Variants in PRKG1 observed in about 807,000 individuals in gnomAD.
PRKG1 encodes cGMP-dependent protein kinase 1.
Under a neutral mutation model 88.1 loss-of-function variants are expected in PRKG1, and 35 were observed. The observed-to-expected ratio is 0.40, with a 90% CI of 0.30 to 0.53. The LOEUF is 0.53. PRKG1 is among the 20% of genes least tolerant of loss of function. PRKG1 has a pLI of 0.59. For synonymous variants in PRKG1, 303 were observed against 292.5 expected (o/e 1.04, Z -0.37); for missense variants, 540 against 839.8 (o/e 0.64, Z 4.41).
intron 5 of PRKG1, among the ~76,000 whole-genome samples, chr10:51,965,004 G>A (rs553782806): frequency 7.9e-5 from 12 of 152,114 alleles, no homozygotes; most frequent in Non-Finnish European, 1.5e-4. Context: ...TGAAAGCAAA[G>A]CATGAATATA....
chr10:51,308,477 AGTTAGCTGAT>A (rs1841096494), intron 2 of PRKG1, among the ~76,000 whole-genome samples: 2 of 152,210 alleles, frequency 1.3e-5, no homozygotes, highest in African/African-American at 2.4e-5. Flanking sequence ...CTCAGTAAGC[AGTTAGCTGAT>A]GTTATTGTTA....
intron 2 of PRKG1, among the ~76,000 whole-genome samples, chr10:51,246,874 G>A (rs2132133992): frequency 6.6e-6 from 1 of 152,086 alleles, no homozygotes. Context: ...AGAAGAACAT[G>A]TACCTTGGGA....
chr10:51,255,683 A>T (rs930185691), intron 2 of PRKG1, among the ~76,000 whole-genome samples: 1 of 152,092 alleles, frequency 6.6e-6, no homozygotes, highest in African/African-American at 2.4e-5. Flanking sequence ...GGGAGGAAGT[A>T]ACTTCCCAGG....
intron 7 of PRKG1, among the ~76,000 whole-genome samples, chr10:52,096,154 C>G (rs1347203950): frequency 2.0e-5 from 3 of 152,170 alleles, no homozygotes; most frequent in African/African-American, 4.8e-5. Flanking sequence ...ACGTTTTGTA[C>G]TCTCTGGTGC....
intron 2 of PRKG1, among the ~76,000 whole-genome samples, chr10:51,363,439 T>C (rs1842526596): frequency 6.6e-6 from 1 of 151,796 alleles, no homozygotes; most frequent in South Asian, 2.1e-4. Flanking sequence ...TTTGCCGAAC[T>C]AAATCAAATA....
intron 3 of PRKG1, among the ~76,000 whole-genome samples, chr10:51,627,149 C>T (rs1839359811): frequency 6.6e-6 from 1 of 151,982 alleles, no homozygotes; most frequent in Non-Finnish European, 1.5e-5. Context: ...TCAATTAAGC[C>T]TTGAAGAAAT....
chr10:51,136,304 T>C (rs555559799), intron 1 of PRKG1, among the ~76,000 whole-genome samples: 95 of 152,002 alleles, frequency 6.2e-4, no homozygotes, highest in African/African-American at 2.1e-3. Context: ...ATGCATTCAG[T>C]TGGGACTTCG....
intron 1 of PRKG1, among the ~76,000 whole-genome samples, chr10:51,021,911 C>CAGTGAA (rs1564573082): frequency 6.6e-6 from 1 of 152,052 alleles, no homozygotes; most frequent in Non-Finnish European, 1.5e-5. Context: ...GAACTCCTGA[C>CAGTGAA]CTCAGGCAAT....
chr10:51,704,706 G>A (rs2132421364), intron 3 of PRKG1, among the ~76,000 whole-genome samples: 1 of 152,240 alleles, frequency 6.6e-6, no homozygotes, highest in East Asian at 1.9e-4. Flanking sequence ...GGGACCTGGT[G>A]TTTTTTACGG....
At chr10:52,206,711 G>A (rs1839828742) in intron 9 of PRKG1, among the ~76,000 whole-genome samples, 1 of 152,216 alleles carries the variant, frequency 6.6e-6, no homozygotes, top group Admixed American at 6.5e-5. Flanking sequence ...CTCCTGGACT[G>A]TGTGATTTAA....
chr10:51,811,186 A>G (rs1839447239), intron 4 of PRKG1, among the ~76,000 whole-genome samples: 1 of 152,126 alleles, frequency 6.6e-6, no homozygotes, highest in Non-Finnish European at 1.5e-5. Flanking sequence ...GCTCCCTACT[A>G]CAGTAAACTA....
intron 7 of PRKG1, among the ~76,000 whole-genome samples, chr10:52,106,328 C>A (rs1418344344): frequency 1.3e-5 from 2 of 152,112 alleles, no homozygotes; most frequent in Non-Finnish European, 2.9e-5. Flanking sequence ...AGTTAAATTT[C>A]AATGTCAGAT....
At chr10:51,265,475 G>C (rs1459882310) in intron 2 of PRKG1, among the ~76,000 whole-genome samples, 3 of 152,104 alleles carry the variant, frequency 2.0e-5, no homozygotes, top group Non-Finnish European at 4.4e-5. Flanking sequence ...ATTTTAAGTT[G>C]CTAAATCTGG....
chr10:51,503,700 C>T (rs1406415558), intron 3 of PRKG1, among the ~76,000 whole-genome samples: 1 of 146,466 alleles, frequency 6.8e-6, no homozygotes, highest in Admixed American at 6.8e-5. Context: ...AACCTCTTCT[C>T]TTTTGCATCT....
At chr10:52,089,060 G>GT (rs1018747060) in intron 7 of PRKG1, among the ~76,000 whole-genome samples, 1 of 152,070 alleles carries the variant, frequency 6.6e-6, no homozygotes, top group East Asian at 1.9e-4. Flanking sequence ...AAAATATCAA[G>GT]TTTTTTTGGT....
At chr10:51,471,137 A>G (rs1840037527) in intron 3 of PRKG1, among the ~76,000 whole-genome samples, 1 of 146,738 alleles carries the variant, frequency 6.8e-6, no homozygotes, top group Middle Eastern at 3.5e-3. Flanking sequence ...CAAAAATTTA[A>G]CAACAGTCTT....
chr10:51,806,328 T>C (rs76281251), intron 4 of PRKG1, among the ~76,000 whole-genome samples: 5,279 of 152,260 alleles, frequency 0.035, 292 homozygotes, highest in African/African-American at 0.12. Context: ...CAAATGACTC[T>C]AACAAGAACT....
At chr10:52,025,402 A>C (rs966932403) in intron 5 of PRKG1, among the ~76,000 whole-genome samples, 1 of 152,150 alleles carries the variant, frequency 6.6e-6, no homozygotes, top group African/African-American at 2.4e-5. Flanking sequence ...GTCCTTGCCC[A>C]TGCCTATGTC....
chr10:51,361,331 A>ATT (rs768607554), intron 2 of PRKG1, among the ~76,000 whole-genome samples: 8 of 151,860 alleles, frequency 5.3e-5, no homozygotes, highest in Non-Finnish European at 1.2e-4. Context: ...AGGTACCATG[A>ATT]TTATACTCGC....
Sources: gnomAD v4.1 joint callset for allele counts (sites outside exome capture counted in the v4.1 genomes callset) on GRCh38, gnomAD v4.1.1 for gene constraint, MANE v1.5 for transcripts, NCBI Gene and HGNC (gene_info 2026-07-23, HGNC 2026-07-21) for gene names.